The following ZNF175 variants were observed in gnomAD, a reference collection of about 807,000 sequenced individuals.
ZNF175 encodes the protein zinc finger protein 175.
ZNF175 carries 8 observed loss-of-function variants against 14.0 expected under a neutral mutation model. The ratio of observed to expected loss-of-function variants is 0.57; its 90% CI spans 0.34 to 1.03. ZNF175 has a LOEUF of 1.03. Among genes scored for constraint, ZNF175 ranks in the 50% least tolerant of loss-of-function variants. ZNF175 has a pLI of 0.03. For synonymous variants in ZNF175, 255 were observed against 296.8 expected (o/e 0.86, Z 1.45); for missense variants, 764 against 849.5 (o/e 0.90, Z 1.25).
rs201671937 is a variant in ZNF175, at chr19:51,587,275, C to T, written c.944C>T (p.Ala315Val). ...NLHECGKCGK[A>V]FMPQLKLSVY... ...CATGAATGTGGCAAATGTGGAAAAG[C>T]CTTCATGCCACAACTAAAACTCAGT... Residue 315 changes from alanine to valine, a missense_variant, in exon 5 of 5, where the codon GCC (alanine) becomes GTC (valine). Physicochemically the swap from Ala to Val is moderately conservative, Grantham distance 64. Coordinates refer to ENST00000262259, the MANE Select transcript of ZNF175 (RefSeq NM_007147.4). The T allele has an allele frequency of 6.2e-7, 1 of 1,614,110 alleles. No homozygotes were observed. The highest frequency in any genetic ancestry group is 2.2e-5 in the East Asian group (1 of 44,882).
In ZNF175 at chr19:51,573,256, C is replaced by T; in HGVS notation, c.-74C>T. On this transcript the variant is annotated 5_prime_UTR_variant, in exon 2 of 5. Coordinates refer to ENST00000262259, the MANE Select transcript of ZNF175 (RefSeq NM_007147.4). ...GTCCCTGGTTGGAAAATCCAAACAC[C>T]TATCCAGCTTCTGGCTCCTGGGAAA... The T allele has an allele frequency of 6.7e-7, 1 of 1,497,938 alleles. No homozygotes were observed. Among genetic ancestry groups the T allele is most frequent in the Non-Finnish European group, 9.3e-7 (1 of 1,077,240 alleles). The allele number at this position is 1,497,938 out of a possible 1,614,324, so 92.8% of individuals were successfully genotyped here. A position where few individuals can be genotyped will look rare whatever the true frequency, so the allele number is the denominator to read the frequency against.
Position 51,573,317 on chromosome 19 carries a change from G to T in ZNF175, c.-13G>T, listed in dbSNP as rs1240934484. The T allele has an allele frequency of 6.2e-7, 1 of 1,612,896 alleles. No homozygotes were observed. The highest frequency in any genetic ancestry group is 8.5e-7 in the Non-Finnish European group (1 of 1,179,584). ...TCAGCAAGAGAGACCGAGAGTAGAA[G>T]CCCAGAGTGGAGATGCCTGCTGATG... On this transcript the variant is annotated 5_prime_UTR_variant, in exon 2 of 5. Coordinates refer to ENST00000262259, the MANE Select transcript of ZNF175 (RefSeq NM_007147.4).
chr19:51,585,859 A>G (rs1048761635), intron 4 of ZNF175, among the ~76,000 whole-genome samples: 3 of 152,214 alleles, frequency 2.0e-5, no homozygotes, highest in Admixed American at 6.5e-5. Context: ...CAAGGGTGAA[A>G]CAAATTCTGG....
At chr19:51,579,884 A>C (rs928127517) in intron 2 of ZNF175, among the ~76,000 whole-genome samples, 21 of 152,322 alleles carry the variant, frequency 1.4e-4, no homozygotes, top group African/African-American at 5.1e-4. Flanking sequence ...TGCTTGAAGT[A>C]TAAAATATAT....
Position 51,573,247 on chromosome 19 carries a change from T to G in ZNF175, c.-83T>G. 6.9e-7 allele frequency: 1 copy of G among 1,442,338 alleles called. No homozygotes were observed. Among genetic ancestry groups the G allele is most frequent in the Non-Finnish European group, 9.7e-7 (1 of 1,030,360 alleles). 89.3% of individuals were successfully genotyped at this position (1,442,338 alleles called of 1,614,324 possible). On this transcript the variant is annotated 5_prime_UTR_variant, in exon 2 of 5. Transcript: ENST00000262259. ...CTCCGCCGTGTCCCTGGTTGGAAAA[T>G]CCAAACACCTATCCAGCTTCTGGCT...
rs1491107158 is a variant in ZNF175 at position 51,577,664 on chromosome 19, T to TC, written c.73-3727_73-3726insC. Among the ~76,000 whole-genome samples, 403 of 70,094 alleles carry TC rather than the reference T, an allele frequency of 5.7e-3. 2 individuals carry two copies. The East Asian group carries it at 0.22, about 39-fold the overall frequency. The allele number at this position is 70,094 out of a possible 152,430, so 46.0% of individuals were successfully genotyped here. A position where few individuals can be genotyped will look rare whatever the true frequency, so the allele number is the denominator to read the frequency against. The stretch of plus-strand genomic sequence containing the variant: ...TTTACAAAATACTCCTTTCTCTCTC[T>TC]TTTTTTTTTTTTTTTTTGAGATGGA... On this transcript the variant is annotated intron_variant, in intron 2 of 4. Coordinates refer to ENST00000262259, the MANE Select transcript of ZNF175 (RefSeq NM_007147.4).
chr19:51,582,667 A>T lies in ZNF175; in HGVS notation c.295+785A>T, dbSNP rs534532814. Among the ~76,000 whole-genome samples, 7 of 151,986 alleles carry T rather than the reference A, an allele frequency of 4.6e-5. 1 individual carries two copies. The highest frequency in any genetic ancestry group is 1.7e-4 in the African/African-American group (7 of 41,440). On this transcript the variant is annotated intron_variant, in intron 4 of 4. Coordinates refer to ENST00000262259, the MANE Select transcript of ZNF175 (RefSeq NM_007147.4). The stretch of plus-strand genomic sequence containing the variant: ...AGCCTCTCATCTTATCTGTTATCTG[A>T]TTGGCTTTTTCATTTGTTTGTTGCA...
chr19:51,586,958 A>G lies in ZNF175; in HGVS notation c.627A>G (p.Leu209=), dbSNP rs1982185613. 6.2e-7 allele frequency: 1 copy of G among 1,614,240 alleles called. No individual in the cohort carries two copies. Among genetic ancestry groups the G allele is most frequent in the Non-Finnish European group, 8.5e-7 (1 of 1,180,040 alleles). Residue 209 remains leucine (L), a synonymous_variant, in exon 5 of 5, where the codon CTA becomes CTG. Transcript: ENST00000262259. ...CLFTESLKLN[L]EVNGQNESND... is the part of the protein sequence containing the mutation. Reference sequence around the variant, plus strand: ...TTACAGAAAGTTTGAAGCTGAACCTAGAAGTGAACGGTCAGAATGAAAGCA... The same window carrying G: ...TTACAGAAAGTTTGAAGCTGAACCTGGAAGTGAACGGTCAGAATGAAAGCA...
At position 51,587,173 on chromosome 19, in the gene ZNF175, G is replaced by C. The variant is rs754418239; in HGVS notation, c.842G>C (p.Cys281Ser). ...CATACTCAGAAGAAACCAGATGGAT[G>C]TTCTGAATGTGGGGGGAGCTTCACC... ...QIHTQKKPDG[C>S]SECGGSFTQK... The change falls in exon 5 of 5, where the codon TGT becomes TCT. Residue 281 changes from cysteine to serine, a missense_variant. Cys to Ser is a moderately radical substitution (Grantham distance 112). Coordinates refer to ENST00000262259, the MANE Select transcript of ZNF175 (RefSeq NM_007147.4). 1 of 1,614,210 alleles carries C rather than the reference G, an allele frequency of 6.2e-7. No individual in the cohort carries two copies.
Position 51,590,319 on chromosome 19 carries a change from C to G in ZNF175, c.*1852C>G, listed in dbSNP as rs1275998248. On this transcript the variant is annotated 3_prime_UTR_variant, in exon 5 of 5. Coordinates refer to ENST00000262259, the MANE Select transcript of ZNF175 (RefSeq NM_007147.4). ...GGAGATGATGATAGTACCCTACCCC[C>G]ATGCATTTGGTGTGAGAAGTGTGTG... is the stretch of plus-strand genomic sequence containing the variant. The G allele has an allele frequency of 6.6e-6, 1 of 152,270 alleles. No homozygotes were observed. Among genetic ancestry groups the G allele is most frequent in the Non-Finnish European group, 1.5e-5 (1 of 68,122 alleles). 9.4% of individuals were successfully genotyped at this position (152,270 alleles called of 1,614,324 possible).
In ZNF175 at chr19:51,573,312, T is replaced by C. The variant is rs773907383; in HGVS notation, c.-18T>C. 1.2e-6 allele frequency: 2 copies of C among 1,611,308 alleles called. No individual in the cohort carries two copies. The highest frequency in any genetic ancestry group is 2.7e-5 in the African/African-American group (2 of 74,612). ...AGTTGTCAGCAAGAGAGACCGAGAG[T>C]AGAAGCCCAGAGTGGAGATGCCTGC... On this transcript the variant is annotated 5_prime_UTR_variant, in exon 2 of 5. Coordinates refer to ENST00000262259, the MANE Select transcript of ZNF175 (RefSeq NM_007147.4).
At chr19:51,582,019 T>G in intron 4 of ZNF175, 137 bp downstream of exon 4, 1 of 761,158 alleles carries the variant, frequency 1.3e-6, no homozygotes, top group South Asian at 1.8e-5. Flanking sequence ...CATCAAACAC[T>G]GTAAATGTGC....
intron 4 of ZNF175, among the ~76,000 whole-genome samples, chr19:51,585,865 T>C (rs536338379): frequency 2.0e-5 from 3 of 152,136 alleles, no homozygotes; most frequent in Non-Finnish European, 4.4e-5. Context: ...TGAAACAAAT[T>C]CTGGGGAACA....
In ZNF175 at chr19:51,587,647, G is replaced by A; in HGVS notation, c.1316G>A (p.Arg439Lys). Residue 439 changes from arginine (R) to lysine (K), a missense_variant, in exon 5 of 5, where the codon AGA (arginine) becomes AAA (lysine). Physicochemically the swap from Arg to Lys is conservative, Grantham distance 26 (BLOSUM62 2). Transcript: ENST00000262259. ...TQKSTLSLHQ[R>K]IHSGQKSYVC... Reference sequence around the variant, plus strand: ...AAGTCAACACTCAGCTTGCACCAGAGAATCCACTCAGGGCAGAAGTCCTAT... The same window carrying A: ...AAGTCAACACTCAGCTTGCACCAGAAAATCCACTCAGGGCAGAAGTCCTAT... 1 of 1,614,080 alleles carries A rather than the reference G, an allele frequency of 6.2e-7. No homozygotes were observed. The highest frequency in any genetic ancestry group is 8.5e-7 in the Non-Finnish European group (1 of 1,180,010).
chr19:51,582,830 C>T (rs1385866457), intron 4 of ZNF175, among the ~76,000 whole-genome samples: 1 of 151,954 alleles, frequency 6.6e-6, no homozygotes, highest in Non-Finnish European at 1.5e-5. Context: ...GCACCTCTAG[C>T]TTGGGGCCCT....
At position 51,587,568 on chromosome 19, in the gene ZNF175, C is replaced by G. The variant is rs1982209985; in HGVS notation, c.1237C>G (p.His413Asp). The change falls in exon 5 of 5, where the codon CAT becomes GAT. Residue 413 changes from histidine (H) to aspartate (D), a missense_variant. Transcript: ENST00000262259. Reference protein sequence around the residue: ...NSTLIIHQKIHTGERQYACSE... With the variant: ...NSTLIIHQKIDTGERQYACSE... Reference sequence around the variant, plus strand: ...AACCCTCATTATACATCAGAAAATTCATACTGGTGAGAGACAGTATGCATG... The same window carrying G: ...AACCCTCATTATACATCAGAAAATTGATACTGGTGAGAGACAGTATGCATG... The G allele has an allele frequency of 6.2e-7, 1 of 1,614,164 alleles. No individual in the cohort carries two copies.
chr19:51,573,891 A>AAG (rs1216911693), intron 2 of ZNF175: 30 of 172,218 alleles, frequency 1.7e-4, no homozygotes, highest in Non-Finnish European at 3.6e-4. Context: ...GGACCATGTG[A>AAG]AGAGGCTTTT....
rs751634767 is a variant in ZNF175 at position 51,587,189 on chromosome 19, G to A, written c.858G>A (p.Gly286=). The part of the protein sequence containing the change: ...KKPDGCSECG[G]SFTQKSHLFA... ...CAGATGGATGTTCTGAATGTGGGGG[G>A]AGCTTCACCCAGAAGTCACACCTCT... is the stretch of plus-strand genomic sequence containing the variant. The change falls in exon 5 of 5, where the codon GGG becomes GGA. Residue 286 remains glycine, a synonymous_variant. Coordinates refer to ENST00000262259, the MANE Select transcript of ZNF175 (RefSeq NM_007147.4). 1.9e-6 allele frequency: 3 copies of A among 1,614,178 alleles called. No homozygotes were observed. Among genetic ancestry groups the A allele is most frequent in the Non-Finnish European group, 2.5e-6 (3 of 1,180,024 alleles).
chr19:51,585,612 T>C (rs868801147), intron 4 of ZNF175, among the ~76,000 whole-genome samples: 1 of 152,140 alleles, frequency 6.6e-6, no homozygotes, highest in Non-Finnish European at 1.5e-5. Flanking sequence ...AAACTACATG[T>C]GATGTTCATA....
Sources: gnomAD v4.1 joint callset for allele counts (sites outside exome capture counted in the v4.1 genomes callset) on GRCh38, gnomAD v4.1.1 for gene constraint, MANE v1.5 for transcripts, NCBI Gene and HGNC (gene_info 2026-07-23, HGNC 2026-07-21) for gene names.